The following PFKM variants were observed in gnomAD, a reference collection of about 807,000 sequenced individuals.
The protein encoded by PFKM is ATP-dependent 6-phosphofructokinase, muscle type.
Under a neutral mutation model 95.5 loss-of-function variants are expected in PFKM, and 58 were observed. The observed-to-expected ratio is 0.61, with a 90% CI of 0.49 to 0.76. PFKM has a LOEUF of 0.76. Ranked by LOEUF, PFKM falls within the 30% of genes least tolerant of loss-of-function variation. PFKM has a pLI of 0.00. For missense variants in PFKM, 678 were observed against 1,005.4 expected, an observed-to-expected ratio of 0.67 and a Z score of 4.40; for synonymous variants, 336 against 357.2, an observed-to-expected ratio of 0.94 and a Z score of 0.67.
intron 11 of PFKM, 92 bp downstream of exon 11, chr12:48,137,938 T>C: frequency 1.4e-6 from 2 of 1,401,240 alleles, no homozygotes; most frequent in Non-Finnish European, 2.0e-6. Context: ...GCCACTGGTA[T>C]AGGAGCAGGT....
In PFKM at chr12:48,131,371, G is replaced by A. The variant is rs1290241672; in HGVS notation, c.215G>A (p.Ser72Asn). Reference sequence around the variant, plus strand: ...CACATCAAGGAAGCCACCTGGGAGAGCGTTTCGATGATGCTTCAGCTGGTA... The same window carrying A: ...CACATCAAGGAAGCCACCTGGGAGAACGTTTCGATGATGCTTCAGCTGGTA... ...GDHIKEATWE[S>N]VSMMLQLGGT... The change falls in exon 4 of 23, where the codon AGC becomes AAC. Residue 72 changes from serine to asparagine, a missense_variant. Transcript: ENST00000359794. 3 of 1,612,860 alleles carry A rather than the reference G, an allele frequency of 1.9e-6. No individual in the cohort carries two copies. Among genetic ancestry groups the A allele is most frequent in the Admixed American group, 1.7e-5 (1 of 59,996 alleles).
At chr12:48,118,569 A>G, upstream of PFKM, 1 of 1,497,580 alleles carries the variant, frequency 6.7e-7, no homozygotes, top group Non-Finnish European at 9.0e-7. Flanking sequence ...ACAATGAAGC[A>G]AAGGGAAGGT....
chr12:48,105,680 G>A (rs946811014), upstream of PFKM: 2 of 443,150 alleles, frequency 4.5e-6, no homozygotes, highest in African/African-American at 2.0e-5. Context: ...CCCAGCTCTG[G>A]CGGGAAAGCC....
At chr12:48,121,000 A>T (rs1211595686) in intron 1 of PFKM, among the ~76,000 whole-genome samples, 2 of 152,106 alleles carry the variant, frequency 1.3e-5, no homozygotes, top group Non-Finnish European at 2.9e-5. Flanking sequence ...AAAATACAAA[A>T]ATTAGCCGGG....
At chr12:48,117,898 T>G (rs1045468567), upstream of PFKM, among the ~76,000 whole-genome samples, 2 of 152,206 alleles carry the variant, frequency 1.3e-5, no homozygotes, top group African/African-American at 4.8e-5. Flanking sequence ...GCGGGATAAC[T>G]GGAAGCAGGG....
chr12:48,108,310 G>A (rs1946887027), intron 3 of PFKM: 1 of 890,624 alleles, frequency 1.1e-6, no homozygotes, highest in Non-Finnish European at 1.6e-6. Flanking sequence ...TAAGACCCAA[G>A]GGGGAAAGTC....
intron 11 of PFKM, among the ~76,000 whole-genome samples, chr12:48,138,396 T>C (rs1177560608): frequency 1.3e-5 from 2 of 152,162 alleles, no homozygotes; most frequent in Non-Finnish European, 2.9e-5. Context: ...ATCACTCCTT[T>C]GATACCACAG....
At chr12:48,105,894 G>A (rs572856071), upstream of PFKM, 1 of 621,596 alleles carries the variant, frequency 1.6e-6, no homozygotes, top group African/African-American at 1.8e-5. Flanking sequence ...CGGGGCAGAG[G>A]AAAAGGCGCC....
At chr12:48,120,582 T>G (rs1948153067) in intron 1 of PFKM, among the ~76,000 whole-genome samples, 1 of 152,242 alleles carries the variant, frequency 6.6e-6, no homozygotes. Flanking sequence ...TGCAGGCTTA[T>G]GAGTCTCTGT....
At chr12:48,107,714 A>G (rs1041349556) in intron 2 of PFKM, among the ~76,000 whole-genome samples, 9 of 152,144 alleles carry the variant, frequency 5.9e-5, no homozygotes, top group Non-Finnish European at 7.4e-5. Context: ...AATTTATCCC[A>G]TGAGCTTGTC....
rs932921751 is a variant in PFKM at position 48,107,938 on chromosome 12, T to A, written c.83-134T>A. The A allele has an allele frequency of 6.6e-6, 5 of 753,716 alleles. No individual in the cohort carries two copies. The African/African-American group carries it at 8.8e-5, about 13-fold the overall frequency. The allele number at this position is 753,716 out of a possible 1,614,324, so 46.7% of individuals were successfully genotyped here. On this transcript the variant is annotated intron_variant, in intron 2 of 24. Transcript: ENST00000340802. ...TAGAATCTTTTTGAGGTACATCGCG[T>A]CTCTAATTTTTCACTGGATTTTTGG...
chr12:48,133,890 T>C (rs779973485), intron 6 of PFKM, among the ~76,000 whole-genome samples: 3 of 152,116 alleles, frequency 2.0e-5, no homozygotes, highest in Non-Finnish European at 2.9e-5. Context: ...GATGGGAGGA[T>C]AGAAGGGTAA....
At position 48,142,074 on chromosome 12, in the gene PFKM, C is replaced by G. The variant is rs369425921; in HGVS notation, c.1653+8C>G. The G allele has an allele frequency of 1.7e-5, 28 of 1,613,440 alleles. No homozygotes were observed. The highest frequency in any genetic ancestry group is 2.0e-5 in the Non-Finnish European group (24 of 1,179,430). ...CTCAATACTATCTGCACAGTGAGAG[C>G]CTATCACCACTTCCCATCCCTTTTG... On this transcript the variant is annotated splice_region_variant and intron_variant, in intron 17 of 22. Transcript: ENST00000359794.
chr12:48,134,121 C>A (rs967616558), intron 6 of PFKM, 111 bp from the exon 7 acceptor site: 3 of 878,774 alleles, frequency 3.4e-6, no homozygotes, highest in Non-Finnish European at 3.9e-6. Context: ...TGCTAGAAGG[C>A]CTGGCAGCAT....
Position 48,145,338 on chromosome 12 carries a change from G to A in PFKM, c.2198+23G>A. On this transcript the variant is annotated intron_variant, in intron 22 of 22. Transcript: ENST00000359794. The surrounding 1 kb of genome is among the most constrained non-coding windows in gnomAD (Gnocchi z 4.3). ...TGAGTGAGTACATCTGCTTCCTGGA[G>A]TGGTTCTTTTCCCTGGTAGTTTCAA... The A allele has an allele frequency of 6.3e-7, 1 of 1,580,388 alleles. No individual in the cohort carries two copies. Among genetic ancestry groups the A allele is most frequent in the African/African-American group, 1.3e-5 (1 of 74,352 alleles).
chr12:48,122,941 C>A, intron 2 of PFKM, 82 bp downstream of exon 2: 3 of 1,361,292 alleles, frequency 2.2e-6, no homozygotes, highest in South Asian at 1.2e-5. Flanking sequence ...TAGAATTATT[C>A]TTCTGTAGGT....
upstream of PFKM, among the ~76,000 whole-genome samples, chr12:48,114,845 G>C (rs1329607076): frequency 6.6e-6 from 1 of 152,182 alleles, no homozygotes; most frequent in African/African-American, 2.4e-5. Flanking sequence ...CCATTGTCGA[G>C]TTTGTATTGG....
Position 48,106,142 on chromosome 12 carries a change from C to T in PFKM, c.-10+5C>T, listed in dbSNP as rs561284771. 4.8e-5 allele frequency: 34 copies of T among 702,404 alleles called. No homozygotes were observed. The African/African-American group carries it at 5.6e-4, about 12-fold the overall frequency. 43.5% of individuals were successfully genotyped at this position (702,404 alleles called of 1,614,324 possible). A position where few individuals can be genotyped will look rare whatever the true frequency, so the allele number is the denominator to read the frequency against. The stretch of plus-strand genomic sequence containing the variant: ...CAGCACCGGAAGAGTCGCTAGGTGG[C>T]TGAAGAGGAGGGGGCTGGGGCAGGA... On this transcript the variant is annotated splice_donor_5th_base_variant and intron_variant, in intron 1 of 24. Coordinates refer to the PFKM transcript ENST00000340802.
In PFKM at chr12:48,146,092, A is replaced by G. The variant is rs1261038995; in HGVS notation, c.*384A>G. 7.6e-6 allele frequency: 2 copies of G among 264,062 alleles called. No homozygotes were observed. Among genetic ancestry groups the G allele is most frequent in the African/African-American group, 2.2e-5 (1 of 44,868 alleles). 16.4% of individuals were successfully genotyped at this position (264,062 alleles called of 1,614,324 possible). A position where few individuals can be genotyped will look rare whatever the true frequency, so the allele number is the denominator to read the frequency against. Reference sequence around the variant, plus strand: ...ATTGTAACTACACTAATAAATGCCAACTGGTCACTGTGCTTTTGCTTCTCC... The same window carrying G: ...ATTGTAACTACACTAATAAATGCCAGCTGGTCACTGTGCTTTTGCTTCTCC... On this transcript the variant is annotated 3_prime_UTR_variant, in exon 23 of 23. Coordinates refer to ENST00000359794, the MANE Select transcript of PFKM (RefSeq NM_000289.6).
Sources: allele counts gnomAD v4.1 joint callset (sites outside exome capture counted in the v4.1 genomes callset), GRCh38; gene constraint gnomAD v4.1.1; non-coding constraint Gnocchi (gnomAD v3.1); transcripts MANE v1.5; gene names NCBI Gene and HGNC (gene_info 2026-07-23, HGNC 2026-07-21).